Variants in ANKS1B observed in about 807,000 individuals in gnomAD.
ANKS1B encodes ankyrin repeat and sterile alpha motif domain containing 1B, also known as ankyrin repeat and sterile alpha motif domain-containing protein 1B.
ANKS1B carries 36 observed loss-of-function variants against 148.3 expected under a neutral mutation model. That is an observed-to-expected ratio of 0.24 (90% confidence interval 0.19 to 0.32). The LOEUF (loss-of-function observed/expected upper bound fraction) is 0.32. Ranked by LOEUF, ANKS1B falls within the 10% of genes least tolerant of loss-of-function variation. ANKS1B has a pLI of 1.00. For synonymous variants in ANKS1B, 542 were observed against 560.8 expected, an observed-to-expected ratio of 0.97 and a Z score of 0.47; for missense variants, 1,157 against 1,542.6, an observed-to-expected ratio of 0.75 and a Z score of 4.19.
At chr12:99,058,231 CTTTTTTTTTTTT>C (rs1032294121) in intron 16 of ANKS1B, among the ~76,000 whole-genome samples, 1 of 124,638 alleles carries the variant, frequency 8.0e-6, no homozygotes, top group South Asian at 2.8e-4. Context: ...CATGCCACAT[CTTTTTTTTTTTT>C]TTTTTTTTTT....
intron 14 of ANKS1B, among the ~76,000 whole-genome samples, chr12:99,216,358 G>C (rs924519706): frequency 6.6e-6 from 1 of 152,176 alleles, no homozygotes; most frequent in Non-Finnish European, 1.5e-5. Flanking sequence ...GTCTTAATGA[G>C]AGAATAACAT....
At chr12:99,234,458 G>A (rs967075925) in intron 14 of ANKS1B, among the ~76,000 whole-genome samples, 5 of 152,092 alleles carry the variant, frequency 3.3e-5, no homozygotes, top group Non-Finnish European at 7.4e-5. Context: ...GGAATACAGT[G>A]AATTTAACAT....
At chr12:99,764,213 T>C (rs928649583) in intron 8 of ANKS1B, among the ~76,000 whole-genome samples, 9 of 152,212 alleles carry the variant, frequency 5.9e-5, no homozygotes, top group Admixed American at 4.6e-4. Context: ...CACAGATTAA[T>C]ATTTTCCCTG....
chr12:99,759,897 GTTC>G (rs933671060), intron 8 of ANKS1B, among the ~76,000 whole-genome samples: 21 of 151,812 alleles, frequency 1.4e-4, no homozygotes, highest in African/African-American at 4.8e-4. Context: ...TAACAGCTGA[GTTC>G]TTCTACTAGA....
intron 14 of ANKS1B, among the ~76,000 whole-genome samples, chr12:99,218,727 T>G (rs1481711314): frequency 6.6e-6 from 1 of 152,216 alleles, no homozygotes; most frequent in Non-Finnish European, 1.5e-5. Flanking sequence ...TCATGGTCTG[T>G]AAAGTGGGAG....
intron 16 of ANKS1B, among the ~76,000 whole-genome samples, chr12:99,077,368 G>C (rs1393051188): frequency 6.6e-6 from 1 of 152,202 alleles, no homozygotes; most frequent in Non-Finnish European, 1.5e-5. Context: ...AGAAATGCAA[G>C]TGAAAAGAAT....
chr12:98,828,498 G>A (rs1370201074), intron 19 of ANKS1B, among the ~76,000 whole-genome samples: 1 of 152,200 alleles, frequency 6.6e-6, no homozygotes, highest in Non-Finnish European at 1.5e-5. Flanking sequence ...TTGAATCTCA[G>A]GGTGAAATGC....
chr12:99,535,121 C>A (rs1422509750), intron 9 of ANKS1B, among the ~76,000 whole-genome samples: 1 of 152,164 alleles, frequency 6.6e-6, no homozygotes, highest in Non-Finnish European at 1.5e-5. Flanking sequence ...GATTGTGTAC[C>A]TGCAAAAAGC....
intron 1 of ANKS1B, among the ~76,000 whole-genome samples, chr12:99,835,101 AGCACTGTCC>A (rs1401715823): frequency 3.2e-4 from 49 of 152,160 alleles, no homozygotes; most frequent in African/African-American, 9.9e-4. Context: ...GGTCTATATC[AGCACTGTCC>A]TTTAGAAATA....
intron 12 of ANKS1B, among the ~76,000 whole-genome samples, chr12:99,391,722 G>A (rs1422860634): frequency 6.6e-6 from 1 of 152,126 alleles, no homozygotes; most frequent in African/African-American, 2.4e-5. Context: ...ATAATTTTAA[G>A]TGCTGAAAAG....
Position 98,735,580 on chromosome 12 carries a change from C to A in ANKS1B, c.745G>T (p.Glu249Ter). The A allele has an allele frequency of 1.3e-6, 1 of 772,528 alleles. No homozygotes were observed. Among genetic ancestry groups the A allele is most frequent in the East Asian group, 2.4e-5 (1 of 41,166 alleles). 47.9% of individuals were successfully genotyped at this position (772,528 alleles called of 1,614,324 possible). ...TTCTATCAAAATTTTCTGAGTGCCT[C>A]CTCAGTGTGTCTCTCTGATGGTTCC... Residue 249 changes from glutamate (E) to a stop codon, truncating the protein, a stop_gained, in exon 10 of 10, where the codon GAG becomes TAG. Transcript: ENST00000341752. LOFTEE classifies it high-confidence loss of function.
intron 9 of ANKS1B, among the ~76,000 whole-genome samples, chr12:99,513,560 CA>C (rs2096787598): frequency 6.6e-6 from 1 of 152,006 alleles, no homozygotes; most frequent in South Asian, 2.1e-4. Context: ...AAGTTTTCCT[CA>C]AATCATTCCT....
intron 11 of ANKS1B, among the ~76,000 whole-genome samples, chr12:99,403,856 A>G (rs562873106): frequency 6.8e-6 from 1 of 146,450 alleles, no homozygotes; most frequent in South Asian, 2.1e-4. Flanking sequence ...TCATTCTGTC[A>G]TAAAGACACA....
intron 15 of ANKS1B, among the ~76,000 whole-genome samples, chr12:99,093,162 A>G (rs1371418596): frequency 6.6e-6 from 1 of 152,230 alleles, no homozygotes; most frequent in African/African-American, 2.4e-5. Context: ...CTATATTTAC[A>G]GACCATAGGG....
chr12:99,941,584 G>A (rs2094920506), intron 1 of ANKS1B, among the ~76,000 whole-genome samples: 1 of 152,114 alleles, frequency 6.6e-6, no homozygotes, highest in East Asian at 1.9e-4. Context: ...ACTGCCAGGA[G>A]CTGGAGACAG....
intron 1 of ANKS1B, among the ~76,000 whole-genome samples, chr12:99,925,148 GGA>G (rs2094453683): frequency 6.6e-6 from 1 of 152,062 alleles, no homozygotes; most frequent in African/African-American, 2.4e-5. Context: ...AACCCTCTGT[GGA>G]TACAAAACTA....
chr12:98,972,618 C>T (rs1318704602), intron 17 of ANKS1B, among the ~76,000 whole-genome samples: 3 of 152,192 alleles, frequency 2.0e-5, no homozygotes, highest in Non-Finnish European at 4.4e-5. Context: ...CTTTACTATG[C>T]TGTGCATTCG....
intron 9 of ANKS1B, among the ~76,000 whole-genome samples, chr12:99,526,512 G>A (rs555798898): frequency 2.0e-5 from 3 of 152,072 alleles, no homozygotes; most frequent in Admixed American, 6.6e-5. Context: ...AGGGAAGCCT[G>A]CCTCTTGGTG....
At chr12:99,624,114 C>A (rs1598337871) in intron 9 of ANKS1B, among the ~76,000 whole-genome samples, 1 of 152,162 alleles carries the variant, frequency 6.6e-6, no homozygotes, top group East Asian at 1.9e-4. Flanking sequence ...CATCTACAGT[C>A]ATCTGATTCT....
Sources: allele counts gnomAD v4.1 joint callset (sites outside exome capture counted in the v4.1 genomes callset), GRCh38; gene constraint gnomAD v4.1.1; transcripts MANE v1.5; gene names NCBI Gene and HGNC (gene_info 2026-07-23, HGNC 2026-07-21).